CDH18: variants seen among roughly 807,000 people sequenced by gnomAD.
The protein encoded by CDH18 is cadherin 18, also known as cadherin-18.
CDH18 carries 31 observed loss-of-function variants against 67.9 expected under a neutral mutation model. The ratio of observed to expected loss-of-function variants is 0.46; its 90% CI spans 0.34 to 0.62. The LOEUF is 0.62. Among genes scored for constraint, CDH18 ranks in the 20% least tolerant of loss-of-function variants. CDH18 has a pLI of 0.01. For synonymous variants in CDH18, 362 were observed against 347.2 expected (o/e 1.04, Z -0.48); for missense variants, 890 against 975.5 (o/e 0.91, Z 1.17).
chr5:20,117,700 G>A (rs978943185), intron 2 of CDH18, among the ~76,000 whole-genome samples: 2 of 152,134 alleles, frequency 1.3e-5, no homozygotes, highest in African/African-American at 4.8e-5. Flanking sequence ...AATATATGAT[G>A]CTATTAAGTA....
intron 3 of CDH18, among the ~76,000 whole-genome samples, chr5:19,813,146 G>T (rs888669517): frequency 1.3e-5 from 2 of 152,198 alleles, no homozygotes. Flanking sequence ...GTTGACGGGT[G>T]GGGGACTGGG....
chr5:19,593,947 T>G (rs1246038043), intron 6 of CDH18, among the ~76,000 whole-genome samples: 1 of 151,964 alleles, frequency 6.6e-6, no homozygotes, highest in Non-Finnish European at 1.5e-5. Flanking sequence ...TGCCTGGGAT[T>G]TGCAGGTCAT....
chr5:19,626,650 A>T (rs1316765581), intron 5 of CDH18, among the ~76,000 whole-genome samples: 1 of 152,134 alleles, frequency 6.6e-6, no homozygotes, highest in African/African-American at 2.4e-5. Context: ...AGGTGGAGAA[A>T]ATTGCTGCCC....
intron 10 of CDH18, among the ~76,000 whole-genome samples, chr5:19,519,634 T>C (rs1045774031): frequency 6.6e-6 from 1 of 152,196 alleles, no homozygotes; most frequent in South Asian, 2.1e-4. Flanking sequence ...AATGTGTTGA[T>C]GCATGACTCA....
chr5:20,470,922 C>T lies in CDH18; in HGVS notation c.-580+104540G>A, dbSNP rs368284197. Among the ~76,000 whole-genome samples, 340 of 152,328 alleles carry T rather than the reference C, an allele frequency of 2.2e-3. 3 individuals are homozygous for T. The highest frequency in any genetic ancestry group is 3.4e-3 in the Middle Eastern group (1 of 294). On this transcript the variant is annotated intron_variant, in intron 1 of 14. Transcript: ENST00000507958. ...CAATGTCACAAATTTCTCCTCTCTACGAGATCGTTCCTATCATACTGTTAT... is the reference window on the plus strand; with the variant it reads ...CAATGTCACAAATTTCTCCTCTCTATGAGATCGTTCCTATCATACTGTTAT...
intron 2 of CDH18, among the ~76,000 whole-genome samples, chr5:20,115,571 C>G (rs1192397812): frequency 6.6e-6 from 1 of 151,994 alleles, no homozygotes; most frequent in Non-Finnish European, 1.5e-5. Context: ...CTCACTTAAA[C>G]TAATTATCCC....
At chr5:20,036,686 T>C (rs1739893041) in intron 2 of CDH18, among the ~76,000 whole-genome samples, 1 of 152,104 alleles carries the variant, frequency 6.6e-6, no homozygotes, top group Admixed American at 6.6e-5. Context: ...TTCTGTCTCA[T>C]TCATCTGTCT....
intron 8 of CDH18, among the ~76,000 whole-genome samples, chr5:19,561,966 A>G (rs547702978): frequency 4.6e-5 from 7 of 152,284 alleles, no homozygotes; most frequent in African/African-American, 1.7e-4. Context: ...TACAGGTTGT[A>G]GACAAAGACT....
chr5:20,324,267 G>A (rs1381685922), intron 1 of CDH18, among the ~76,000 whole-genome samples: 6 of 151,874 alleles, frequency 4.0e-5, no homozygotes, highest in African/African-American at 9.7e-5. Flanking sequence ...CGGGCGCGGT[G>A]GGTGGCTCAC....
intron 1 of CDH18, among the ~76,000 whole-genome samples, chr5:20,530,244 G>A (rs1756316319): frequency 1.3e-5 from 2 of 151,842 alleles, no homozygotes; most frequent in Non-Finnish European, 2.9e-5. Context: ...GAGGACATAA[G>A]CAGGTGGAAA....
At chr5:19,655,694 C>T (rs1756264662) in intron 5 of CDH18, among the ~76,000 whole-genome samples, 1 of 152,042 alleles carries the variant, frequency 6.6e-6, no homozygotes, top group Middle Eastern at 3.2e-3. Flanking sequence ...TTAAGTTTTC[C>T]TCCTGAATAT....
At position 20,559,919 on chromosome 5, in the gene CDH18, C is replaced by T. The variant is rs1375878580; in HGVS notation, c.-580+15543G>A. Among the ~76,000 whole-genome samples the T allele has an allele frequency of 1.4e-4, 21 of 151,156 alleles. No individual in the cohort carries two copies. In the Admixed American group the frequency reaches 1.4e-3, roughly 10 times the overall value. On this transcript the variant is annotated intron_variant, in intron 1 of 14. Transcript: ENST00000507958. ...TGCGGATTCATTTGATTATATCTTACTAGCTAAAGTGCAAAATTTCCCTGC... is the reference window on the plus strand; with the variant it reads ...TGCGGATTCATTTGATTATATCTTATTAGCTAAAGTGCAAAATTTCCCTGC...
chr5:19,859,072 A>G (rs576695447), intron 2 of CDH18, among the ~76,000 whole-genome samples: 8 of 152,338 alleles, frequency 5.3e-5, no homozygotes, highest in African/African-American at 1.9e-4. Flanking sequence ...CAAAAAAACC[A>G]TCACCAAAAT....
chr5:20,315,342 T>C (rs1319544506), intron 1 of CDH18, among the ~76,000 whole-genome samples: 1 of 152,088 alleles, frequency 6.6e-6, no homozygotes, highest in Non-Finnish European at 1.5e-5. Context: ...CTCCTAATTG[T>C]CTCTCTGATC....
chr5:19,841,107 C>A (rs943302284), intron 2 of CDH18, among the ~76,000 whole-genome samples: 43 of 151,870 alleles, frequency 2.8e-4, no homozygotes, highest in African/African-American at 9.2e-4. Context: ...CTGAGTATTT[C>A]GCTCCTTAAA....
intron 2 of CDH18, among the ~76,000 whole-genome samples, chr5:20,225,042 C>A (rs937651253): frequency 6.6e-6 from 1 of 152,066 alleles, no homozygotes; most frequent in Non-Finnish European, 1.5e-5. Flanking sequence ...AGTGGCCTTG[C>A]TACTCAGAAG....
At chr5:19,591,304 G>A in intron 6 of CDH18, 60 bp from the exon 7 acceptor site, 3 of 1,199,278 alleles carry the variant, frequency 2.5e-6, no homozygotes, top group Admixed American at 2.6e-5. Flanking sequence ...AATCTTACAA[G>A]AAAAAATAAA....
chr5:19,524,448 A>G lies in CDH18; in HGVS notation c.1391-3670T>C, dbSNP rs937993432. Among the ~76,000 whole-genome samples, 17 of 151,616 alleles carry G rather than the reference A, an allele frequency of 1.1e-4. 1 individual carries two copies. In the South Asian group the frequency reaches 3.5e-3, roughly 31 times the overall value. Reference sequence around the variant, plus strand: ...TATCACTTTATTTTGTTATTACATTATTTCAAAACTAACATAATAATTAGT... The same window carrying G: ...TATCACTTTATTTTGTTATTACATTGTTTCAAAACTAACATAATAATTAGT... On this transcript the variant is annotated intron_variant, in intron 9 of 12. Transcript: ENST00000382275.
intron 1 of CDH18, among the ~76,000 whole-genome samples, chr5:20,345,816 TC>T (rs1348546700): frequency 1.4e-4 from 22 of 152,024 alleles, no homozygotes; most frequent in Admixed American, 1.2e-3. Context: ...CTGTAGTCCT[TC>T]CATTTCAGCC....
Sources: gnomAD v4.1 joint callset for allele counts (sites outside exome capture counted in the v4.1 genomes callset) on GRCh38, gnomAD v4.1.1 for gene constraint, MANE v1.5 for transcripts, NCBI Gene and HGNC (gene_info 2026-07-23, HGNC 2026-07-21) for gene names.